Variants in FRMD7 observed in about 807,000 individuals in gnomAD.
The protein encoded by FRMD7 is FERM domain-containing protein 7.
FRMD7 carries 14 observed loss-of-function variants against 44.1 expected under a neutral mutation model. The observed-to-expected ratio is 0.32, with a 90% confidence interval of 0.21 to 0.50. The LOEUF (loss-of-function observed/expected upper bound fraction) is 0.50, where lower values mean the gene tolerates loss of function less well. FRMD7 is among the 20% of genes least tolerant of loss of function. FRMD7 has a pLI of 0.99. For missense variants in FRMD7, 501 were observed against 522.3 expected, an observed-to-expected ratio of 0.96 and a Z score of 0.40; for synonymous variants, 212 against 187.4, an observed-to-expected ratio of 1.13 and a Z score of -1.07.
chrX:132,087,939 C>CA (rs1253845397), intron 5 of FRMD7, among the ~76,000 whole-genome samples: 185 of 101,996 alleles, frequency 1.8e-3, no homozygotes, highest in African/African-American at 3.3e-3. Context: ...GAATAAAGGA[C>CA]AAAAAAAAAA....
chrX:132,092,736 A>G (rs893609854), intron 5 of FRMD7, among the ~76,000 whole-genome samples: 10 of 111,772 alleles, frequency 8.9e-5, no homozygotes, highest in African/African-American at 3.3e-4. Context: ...CTGCCTCAAC[A>G]GGCAGCTAGT....
At position 132,094,652 on chromosome X, in the gene FRMD7, G is replaced by A. The variant is rs911073187; in HGVS notation, c.285-513C>T. On this transcript the variant is annotated intron_variant, in intron 4 of 11. Transcript: ENST00000298542. The stretch of plus-strand genomic sequence containing the variant: ...CAAGGTCATATCACCCAAGGATAGT[G>A]AATCTGTGGCTAGAACTTAGGTCTG... Among the ~76,000 whole-genome samples the A allele has an allele frequency of 1.8e-5, 2 of 111,926 alleles. 1 individual carries two copies. The highest frequency in any genetic ancestry group is 3.8e-5 in the Non-Finnish European group (2 of 53,226).
At chrX:132,097,448 C>T (rs904343394) in intron 3 of FRMD7, 104 bp from the exon 4 acceptor site, 1 of 564,743 alleles carries the variant, frequency 1.8e-6, no homozygotes, top group Non-Finnish European at 3.2e-6. Flanking sequence ...CACCGCTCTC[C>T]TCTTCCGTCC....
At chrX:132,088,297 C>T (rs1928060105) in intron 5 of FRMD7, among the ~76,000 whole-genome samples, 1 of 112,327 alleles carries the variant, frequency 8.9e-6, no homozygotes, top group Non-Finnish European at 1.9e-5. Flanking sequence ...CGCCTGTAAT[C>T]CTAGCACTCA....
chrX:132,089,778 G>A (rs758465460), intron 5 of FRMD7, among the ~76,000 whole-genome samples: 59 of 112,049 alleles, frequency 5.3e-4, no homozygotes, highest in Non-Finnish European at 9.6e-4. Flanking sequence ...TAAAATTGCA[G>A]TGAGATACTT....
intron 1 of FRMD7, among the ~76,000 whole-genome samples, chrX:132,122,466 G>A (rs1460730384): frequency 8.9e-6 from 1 of 111,942 alleles, no homozygotes; most frequent in Non-Finnish European, 1.9e-5. Flanking sequence ...CTCTATCTTG[G>A]TGAATGGGGC....
At position 132,099,631 on chromosome X, in the gene FRMD7, A is replaced by T. The variant is rs1928441391; in HGVS notation, c.163-121T>A. 1.4e-5 allele frequency: 7 copies of T among 491,322 alleles called. No individual in the cohort carries two copies. The Admixed American group carries it at 2.1e-4, about 15-fold the overall frequency. 40.5% of individuals were successfully genotyped at this position (491,322 alleles called of 1,213,427 possible). On this transcript the variant is annotated intron_variant, in intron 2 of 11. Transcript: ENST00000298542. The stretch of plus-strand genomic sequence containing the variant: ...GTACCAGGACTATTTAGACTTCTAA[A>T]GGTAGAAACAAACAGCAATGTCAAA...
intron 1 of FRMD7, among the ~76,000 whole-genome samples, chrX:132,121,850 T>C (rs1298573101): frequency 8.9e-6 from 1 of 111,935 alleles, no homozygotes; most frequent in African/African-American, 3.2e-5. Context: ...TTCCATCTGC[T>C]TCCTTAAAGG....
chrX:132,122,103 G>A (rs1929049302), intron 1 of FRMD7, among the ~76,000 whole-genome samples: 1 of 112,355 alleles, frequency 8.9e-6, no homozygotes, highest in Admixed American at 9.4e-5. Context: ...GTGAAAGACT[G>A]TTCTTTGTTG....
intron 8 of FRMD7, among the ~76,000 whole-genome samples, chrX:132,083,372 C>T (rs1373109627): frequency 3.6e-5 from 4 of 111,372 alleles, no homozygotes; most frequent in African/African-American, 6.5e-5. Context: ...ACCTAAAGTT[C>T]GAGTTTTCCC....
intron 5 of FRMD7, among the ~76,000 whole-genome samples, chrX:132,089,301 A>C (rs1405090831): frequency 8.9e-6 from 1 of 112,118 alleles, no homozygotes; most frequent in African/African-American, 3.2e-5. Flanking sequence ...CACACACAAA[A>C]ATATGAAGTC....
In FRMD7 at chrX:132,125,143, A is replaced by G. The variant is rs373993949; in HGVS notation, c.57+2645T>C. ...ATTTTAAATGTCAGTCTCTGACTCC[A>G]GTTCTTGTGGAGTAGTGACAAAACA... is the stretch of plus-strand genomic sequence containing the variant. On this transcript the variant is annotated intron_variant, in intron 1 of 11. Transcript: ENST00000298542. 1.5e-4 allele frequency among the ~76,000 whole-genome samples: 17 copies of G among 111,770 alleles called. No homozygotes were observed. In the East Asian group the frequency reaches 4.2e-3, roughly 28 times the overall value.
In FRMD7 at chrX:132,087,971, A is replaced by G. The variant is rs202055119; in HGVS notation, c.383-1937T>C. Among the ~76,000 whole-genome samples, 6 of 112,167 alleles carry G rather than the reference A, an allele frequency of 5.3e-5. No individual in the cohort carries two copies. The East Asian group carries it at 1.7e-3, about 31-fold the overall frequency. On this transcript the variant is annotated intron_variant, in intron 5 of 11. Coordinates refer to ENST00000298542, the MANE Select transcript of FRMD7 (RefSeq NM_194277.3). ...AAAATAACCCGCACATTATCTTCTC[A>G]AGAGATGGAGAAAAAGCATTGCACA...
intron 1 of FRMD7, among the ~76,000 whole-genome samples, chrX:132,115,017 A>G (rs1378406714): frequency 8.9e-6 from 1 of 112,428 alleles, no homozygotes; most frequent in African/African-American, 3.2e-5. Context: ...CGATCACCAC[A>G]TATGTCGTGC....
intron 4 of FRMD7, 125 bp from the exon 5 acceptor site, chrX:132,094,264 T>G: frequency 3.9e-6 from 2 of 511,406 alleles, no homozygotes; most frequent in Non-Finnish European, 6.9e-6. Context: ...GATGCCTTTT[T>G]GGGGGTGGTG....
chrX:132,104,671 C>T (rs762889225), intron 1 of FRMD7, among the ~76,000 whole-genome samples: 14 of 111,080 alleles, frequency 1.3e-4, no homozygotes, highest in Admixed American at 2.9e-4. Flanking sequence ...CCAGCCTGGG[C>T]GACAGAGCAA....
chrX:132,086,265 T>G (rs1043782389), intron 5 of FRMD7, among the ~76,000 whole-genome samples: 7 of 110,841 alleles, frequency 6.3e-5, no homozygotes, highest in African/African-American at 2.3e-4. Flanking sequence ...GTATAGAAAG[T>G]CACAGACCAA....
At chrX:132,115,046 A>C (rs1482549949) in intron 1 of FRMD7, among the ~76,000 whole-genome samples, 2 of 112,336 alleles carry the variant, frequency 1.8e-5, no homozygotes, top group Admixed American at 9.4e-5. Context: ...GGTGATTCTC[A>C]AAGATTTGTT....
intron 1 of FRMD7, among the ~76,000 whole-genome samples, chrX:132,101,374 A>T (rs1344215593): frequency 9.0e-6 from 1 of 111,692 alleles, no homozygotes; most frequent in African/African-American, 3.3e-5. Flanking sequence ...CTCAGCTCAG[A>T]TGTCATCTCC....
Sources: allele counts gnomAD v4.1 joint callset (sites outside exome capture counted in the v4.1 genomes callset), GRCh38; gene constraint gnomAD v4.1.1; transcripts MANE v1.5; gene names NCBI Gene and HGNC (gene_info 2026-07-23, HGNC 2026-07-21).